The following KCNMA1 variants were observed in gnomAD, a reference collection of about 807,000 sequenced individuals.
The protein encoded by KCNMA1 is Calcium-activated potassium channel subunit alpha-1.
Under a neutral mutation model 140.0 loss-of-function variants are expected in KCNMA1, and 29 were observed. The observed-to-expected ratio is 0.21, with a 90% CI of 0.15 to 0.28. The LOEUF (loss-of-function observed/expected upper bound fraction) is 0.28, where lower values mean the gene tolerates loss of function less well. Ranked by LOEUF, KCNMA1 falls within the 10% of genes least tolerant of loss-of-function variation. The pLI, the probability that KCNMA1 is intolerant of heterozygous loss-of-function variation, is 1.00. For synonymous variants in KCNMA1, 612 were observed against 611.9 expected (o/e 1.00, Z 0.00); for missense variants, 880 against 1,602.2 (o/e 0.55, Z 7.70).
exon 30 of KCNMA1, chr10:76,877,867 G>A (rs1395599873): frequency 1.6e-5 from 25 of 1,610,532 alleles, no homozygotes; most frequent in Non-Finnish European, 2.0e-5. Flanking sequence ...GCATTATCCG[G>A]TTCATCTGTA....
At chr10:76,946,078 C>T (rs2063858136) in intron 22 of KCNMA1, among the ~76,000 whole-genome samples, 2 of 152,006 alleles carry the variant, frequency 1.3e-5, no homozygotes, top group South Asian at 4.2e-4. Flanking sequence ...AAAATAACAA[C>T]AAAAGACAGT....
At chr10:77,418,061 A>T (rs2096781820) in intron 1 of KCNMA1, among the ~76,000 whole-genome samples, 1 of 152,062 alleles carries the variant, frequency 6.6e-6, no homozygotes, top group African/African-American at 2.4e-5. Context: ...GTTCCCACAC[A>T]CCCTAGTTTG....
chr10:76,939,455 C>CA (rs1460356419), intron 23 of KCNMA1: 2 of 152,218 alleles, frequency 1.3e-5, no homozygotes, highest in African/African-American at 2.4e-5. Context: ...CTCAATTCCT[C>CA]AAAATACCTA....
chr10:77,445,130 G>A (rs1228937643), intron 1 of KCNMA1, among the ~76,000 whole-genome samples: 2 of 152,048 alleles, frequency 1.3e-5, no homozygotes, highest in African/African-American at 4.8e-5. Context: ...GGAAAGCAAG[G>A]TTTGTTCATG....
At chr10:77,024,063 T>C (rs1035228436) in intron 16 of KCNMA1, among the ~76,000 whole-genome samples, 2 of 152,160 alleles carry the variant, frequency 1.3e-5, no homozygotes, top group African/African-American at 4.8e-5. Flanking sequence ...CCATATGGGA[T>C]GGGGAACAGA....
intron 5 of KCNMA1, among the ~76,000 whole-genome samples, chr10:77,124,004 T>C (rs544526743): frequency 5.3e-5 from 8 of 152,308 alleles, no homozygotes; most frequent in Non-Finnish European, 1.0e-4. Context: ...TTAAACATTA[T>C]GAATTGTTTA....
chr10:77,419,204 G>A (rs2096812862), intron 1 of KCNMA1, among the ~76,000 whole-genome samples: 1 of 152,138 alleles, frequency 6.6e-6, no homozygotes, highest in African/African-American at 2.4e-5. Flanking sequence ...CATCTCAGAA[G>A]TCTCTTATTA....
intron 1 of KCNMA1, among the ~76,000 whole-genome samples, chr10:77,506,596 A>AGAGT: frequency 7.2e-5 from 6 of 83,526 alleles, no homozygotes; most frequent in Admixed American, 3.7e-4. Context: ...AGAGAGAGAG[A>AGAGT]GTGTGTGTGT....
At chr10:77,170,481 TCCCTGGGAGAAGGTCAGAGGTGAGGCTC>T (rs1378450379) in intron 5 of KCNMA1, among the ~76,000 whole-genome samples, 2 of 61,900 alleles carry the variant, frequency 3.2e-5, no homozygotes, top group African/African-American at 1.3e-4. Flanking sequence ...TGAGGCTCCA[TCCCTGGGAGAAGGTCAGAGGTGAGGCTC>T]CATCCCTGGG....
At chr10:77,270,624 C>A (rs189969153) in intron 2 of KCNMA1, among the ~76,000 whole-genome samples, 25 of 151,350 alleles carry the variant, frequency 1.7e-4, no homozygotes, top group African/African-American at 5.6e-4. Context: ...TGGGTTCCAG[C>A]GGTTCTCATG....
chr10:77,417,866 C>T (rs1216754883), intron 1 of KCNMA1, among the ~76,000 whole-genome samples: 6 of 152,226 alleles, frequency 3.9e-5, no homozygotes, highest in South Asian at 2.1e-4. Context: ...GACAGACAGA[C>T]TTTGGGAGGC....
At chr10:76,876,646 A>T (rs2032437078), downstream of KCNMA1, 1 of 152,204 alleles carries the variant, frequency 6.6e-6, no homozygotes, top group African/African-American at 2.4e-5. Context: ...CCCAGCAACT[A>T]AATAAAGGAG....
At chr10:77,053,584 T>C (rs915465156) in intron 14 of KCNMA1, among the ~76,000 whole-genome samples, 1 of 152,172 alleles carries the variant, frequency 6.6e-6, no homozygotes, top group African/African-American at 2.4e-5. Context: ...TCCAGGGACC[T>C]TCCCCGACAT....
At chr10:77,016,311 CTAAT>C (rs2092023839) in intron 17 of KCNMA1, among the ~76,000 whole-genome samples, 1 of 152,154 alleles carries the variant, frequency 6.6e-6, no homozygotes, top group Non-Finnish European at 1.5e-5. Context: ...TCTTTTACCA[CTAAT>C]TATTTTTTAA....
At chr10:77,439,303 GTCTC>G (rs1351305461) in intron 1 of KCNMA1, among the ~76,000 whole-genome samples, 1 of 152,158 alleles carries the variant, frequency 6.6e-6, no homozygotes, top group Non-Finnish European at 1.5e-5. Context: ...TCCAAAGATT[GTCTC>G]CTTTGGTTCC....
chr10:76,960,633 T>G (rs926491238), intron 20 of KCNMA1, among the ~76,000 whole-genome samples: 4 of 148,676 alleles, frequency 2.7e-5, no homozygotes, highest in East Asian at 1.9e-4. Flanking sequence ...TTTTTTTTTT[T>G]TTTTTTTTTT....
At chr10:77,057,764 C>T (rs1227659600) in intron 14 of KCNMA1, among the ~76,000 whole-genome samples, 3 of 151,516 alleles carry the variant, frequency 2.0e-5, no homozygotes, top group Non-Finnish European at 2.9e-5. Flanking sequence ...AGAAATACCA[C>T]AGACCAAAAA....
intron 2 of KCNMA1, among the ~76,000 whole-genome samples, chr10:77,285,110 T>C (rs2070286277): frequency 6.6e-6 from 1 of 152,212 alleles, no homozygotes; most frequent in Non-Finnish European, 1.5e-5. Context: ...CCAAGTTAAG[T>C]AATATCCCGA....
At chr10:77,220,787 TAA>T (rs2154189056) in intron 3 of KCNMA1, among the ~76,000 whole-genome samples, 1 of 152,304 alleles carries the variant, frequency 6.6e-6, no homozygotes, top group Non-Finnish European at 1.5e-5. Context: ...CCTCAAGATA[TAA>T]GTGACATCCA....
Sources: gnomAD v4.1 joint callset for allele counts (sites outside exome capture counted in the v4.1 genomes callset) on GRCh38, gnomAD v4.1.1 for gene constraint, MANE v1.5 for transcripts, NCBI Gene and HGNC (gene_info 2026-07-23, HGNC 2026-07-21) for gene names.